FER1L6: variants seen among roughly 807,000 people sequenced by gnomAD.
FER1L6 encodes fer-1-like protein 6.
In FER1L6, 177 loss-of-function variants were observed where a neutral mutation model predicts 219.2. The ratio of observed to expected loss-of-function variants is 0.81; its 90% confidence interval spans 0.71 to 0.91. The LOEUF (loss-of-function observed/expected upper bound fraction) is 0.91. Among genes scored for constraint, FER1L6 ranks in the 40% least tolerant of loss-of-function variants. FER1L6 has a pLI of 0.00. For missense variants in FER1L6, 2,153 were observed against 2,259.9 expected (o/e 0.95, Z 0.96); for synonymous variants, 768 against 824.3 (o/e 0.93, Z 1.17).
At chr8:124,068,555 C>A (rs144890631) in intron 28 of FER1L6, among the ~76,000 whole-genome samples, 1 of 152,316 alleles carries the variant, frequency 6.6e-6, no homozygotes, top group African/African-American at 2.4e-5. Flanking sequence ...AACAACTTTG[C>A]GCAAGACCCT....
intron 1 of FER1L6, among the ~76,000 whole-genome samples, chr8:123,935,838 T>C (rs991205935): frequency 1.3e-5 from 2 of 152,112 alleles, no homozygotes; most frequent in African/African-American, 4.8e-5. Context: ...GCACTAATTT[T>C]AATTTTTGGT....
At chr8:124,035,720 A>C (rs1819171909) in intron 19 of FER1L6, among the ~76,000 whole-genome samples, 1 of 152,248 alleles carries the variant, frequency 6.6e-6, no homozygotes, top group Admixed American at 6.5e-5. Flanking sequence ...CTTTGTAGGC[A>C]GATTATGTAG....
chr8:123,996,409 T>G (rs1443803293), intron 12 of FER1L6, among the ~76,000 whole-genome samples: 1 of 152,126 alleles, frequency 6.6e-6, no homozygotes, highest in African/African-American at 2.4e-5. Context: ...TTTTCATAAT[T>G]TTTATGTTGA....
chr8:124,020,563 C>T lies in FER1L6; in HGVS notation c.2014-987C>T, dbSNP rs139386430. Among the ~76,000 whole-genome samples the T allele has an allele frequency of 1.9e-3, 282 of 152,266 alleles. 1 individual carries two copies. Among genetic ancestry groups the T allele is most frequent in the African/African-American group, 6.7e-3 (279 of 41,534 alleles). On this transcript the variant is annotated intron_variant, in intron 16 of 40. Transcript: ENST00000522917. ...CTTTTGGGTTTTCCAACCACTTATA[C>T]TGAGCTTTCTGGCAGCATTTCTCAT...
At chr8:123,896,257 T>A (rs10111524) in intron 1 of FER1L6, among the ~76,000 whole-genome samples, 1 of 152,010 alleles carries the variant, frequency 6.6e-6, no homozygotes, top group Non-Finnish European at 1.5e-5. Flanking sequence ...CAACACACTT[T>A]GCTTTATGTG....
In FER1L6 at chr8:124,013,784, C is replaced by A. The variant is rs1303524286; in HGVS notation, c.1922+253C>A. ...CTTACTACAGAGACTCTGTAGGAAA[C>A]AAGAAAAATGCTAGTAGTGTTAGTG... On this transcript the variant is annotated intron_variant, in intron 15 of 40. Transcript: ENST00000522917. 7 of 255,494 alleles carry A rather than the reference C, an allele frequency of 2.7e-5. No individual in the cohort carries two copies. The East Asian group carries it at 5.0e-4, about 18-fold the overall frequency. 15.8% of individuals were successfully genotyped at this position (255,494 alleles called of 1,614,324 possible). A position where few individuals can be genotyped will look rare whatever the true frequency, so the allele number is the denominator to read the frequency against.
rs567005829 is a variant in FER1L6, at chr8:124,071,617, G to A, written c.4078G>A (p.Val1360Ile). The A allele has an allele frequency of 3.1e-6, 5 of 1,613,588 alleles. No individual in the cohort carries two copies. The highest frequency in any genetic ancestry group is 1.3e-5 in the African/African-American group (1 of 75,034). ...PNHPVTVLIR[V>I]YIVAAFNLSP... is the part of the protein sequence containing the mutation. Reference sequence around the variant, plus strand: ...TCACCCTGTCACAGTGCTGATCAGAGTATACATTGTCGCGGTGAGCCATTC... The same window carrying A: ...TCACCCTGTCACAGTGCTGATCAGAATATACATTGTCGCGGTGAGCCATTC... The change falls in exon 31 of 41, where the codon GTA becomes ATA. Residue 1360 changes from valine (V) to isoleucine (I), a missense_variant. Transcript: ENST00000522917.
At chr8:124,047,969 T>C (rs970316974) in intron 21 of FER1L6, among the ~76,000 whole-genome samples, 7 of 152,012 alleles carry the variant, frequency 4.6e-5, no homozygotes, top group African/African-American at 1.7e-4. Flanking sequence ...GCTTGGGCTA[T>C]GTTTACTCTT....
chr8:123,896,920 C>G (rs117543790), intron 1 of FER1L6, among the ~76,000 whole-genome samples: 1 of 152,126 alleles, frequency 6.6e-6, no homozygotes, highest in East Asian at 1.9e-4. Context: ...CTCGCCGAAG[C>G]CCATCTTGGC....
intron 36 of FER1L6, 89 bp from the exon 37 acceptor site, chr8:124,097,696 A>G: frequency 5.2e-6 from 4 of 771,926 alleles, no homozygotes; most frequent in Non-Finnish European, 9.1e-6. Flanking sequence ...TAGGAAACTT[A>G]TAGACCAAAG....
At chr8:124,049,869 C>A (rs1369595685) in intron 22 of FER1L6, 113 bp downstream of exon 22, 2 of 1,081,244 alleles carry the variant, frequency 1.8e-6, no homozygotes, top group Non-Finnish European at 2.8e-6. Context: ...TGCAATCCCA[C>A]ATCTGAATGT....
At chr8:124,075,015 T>C (rs566922523) in intron 31 of FER1L6, among the ~76,000 whole-genome samples, 1 of 152,276 alleles carries the variant, frequency 6.6e-6, no homozygotes, top group South Asian at 2.1e-4. Flanking sequence ...TCTGGGTGAG[T>C]CACTGAGTGG....
At chr8:124,024,916 G>T (rs930423446) in intron 18 of FER1L6, among the ~76,000 whole-genome samples, 7 of 152,154 alleles carry the variant, frequency 4.6e-5, no homozygotes, top group African/African-American at 1.4e-4. Context: ...GGGTAAGGTG[G>T]TATCTCAATC....
chr8:124,012,229 CAAAGT>C (rs1267911766), intron 14 of FER1L6, among the ~76,000 whole-genome samples: 1 of 152,148 alleles, frequency 6.6e-6, no homozygotes, highest in East Asian at 1.9e-4. Flanking sequence ...ATTTGTAAAA[CAAAGT>C]ATTGTCTCTG....
intron 5 of FER1L6, among the ~76,000 whole-genome samples, chr8:123,967,890 A>G (rs1451262419): frequency 1.3e-5 from 2 of 151,956 alleles, no homozygotes; most frequent in African/African-American, 4.8e-5. Context: ...TGGGAGGTGG[A>G]GGTTGCAGTG....
At chr8:123,909,452 A>G (rs781608889) in intron 1 of FER1L6, among the ~76,000 whole-genome samples, 1 of 152,110 alleles carries the variant, frequency 6.6e-6, no homozygotes, top group African/African-American at 2.4e-5. Flanking sequence ...AAGGGATGAA[A>G]AAGGTTGTTG....
intron 14 of FER1L6, among the ~76,000 whole-genome samples, chr8:124,012,003 TA>T (rs1183249538): frequency 1.6e-4 from 24 of 152,162 alleles, no homozygotes; most frequent in Admixed American, 1.6e-3. Context: ...TTTTCCCACC[TA>T]AGCCCAAGGA....
chr8:123,964,035 A>G (rs1428261757), intron 3 of FER1L6, among the ~76,000 whole-genome samples: 1 of 152,190 alleles, frequency 6.6e-6, no homozygotes, highest in Non-Finnish European at 1.5e-5. Flanking sequence ...TTCAGCTGAG[A>G]CCGGCTGTTC....
chr8:123,939,446 TGAAGTGCTGGA>T (rs1455720077), intron 1 of FER1L6, among the ~76,000 whole-genome samples: 3 of 152,130 alleles, frequency 2.0e-5, no homozygotes, highest in Non-Finnish European at 4.4e-5. Context: ...ATGACATTAC[TGAAGTGCTGGA>T]GATTTATTCG....
Sources: allele counts gnomAD v4.1 joint callset (sites outside exome capture counted in the v4.1 genomes callset), GRCh38; gene constraint gnomAD v4.1.1; transcripts MANE v1.5; gene names NCBI Gene and HGNC (gene_info 2026-07-23, HGNC 2026-07-21).